MAP3K3: variants seen among roughly 807,000 people sequenced by gnomAD.
MAP3K3 encodes the protein mitogen-activated protein kinase kinase kinase 3.
Under a neutral mutation model 80.9 loss-of-function variants are expected in MAP3K3, and 12 were observed. That is an observed-to-expected ratio of 0.15 (90% CI 0.10 to 0.24). The LOEUF (loss-of-function observed/expected upper bound fraction) is 0.24. Among genes scored for constraint, MAP3K3 ranks in the 10% least tolerant of loss-of-function variants. MAP3K3 has a pLI of 1.00. For missense variants in MAP3K3, 596 were observed against 834.7 expected (o/e 0.71, Z 3.52); for synonymous variants, 272 against 307.1 (o/e 0.89, Z 1.19).
rs548948895 is a variant in MAP3K3, at chr17:63,669,704, G to A, written c.502+2644G>A. 3.3e-5 allele frequency among the ~76,000 whole-genome samples: 5 copies of A among 152,082 alleles called. No individual in the cohort carries two copies. The South Asian group carries it at 1.0e-3, about 32-fold the overall frequency. ...CTGACCTCAGATGACCACCTGCCTC[G>A]GCCTCCCAAAGTGTTGGGATTACAG... is the stretch of plus-strand genomic sequence containing the variant. On this transcript the variant is annotated intron_variant, in intron 6 of 15. Transcript: ENST00000361733.
intron 2 of MAP3K3, among the ~76,000 whole-genome samples, chr17:63,639,609 G>T (rs1042905742): frequency 2.0e-5 from 3 of 152,004 alleles, no homozygotes; most frequent in Non-Finnish European, 4.4e-5. Flanking sequence ...GAGCTGAAAT[G>T]TATCCTCACT....
chr17:63,663,118 T>C (rs2143434418), intron 5 of MAP3K3, among the ~76,000 whole-genome samples: 1 of 152,314 alleles, frequency 6.6e-6, no homozygotes, highest in Admixed American at 6.5e-5. Flanking sequence ...TTCTGTTCCC[T>C]GCAGCTTTGA....
intron 11 of MAP3K3, 186 bp from the exon 12 acceptor site, chr17:63,690,078 C>G (rs772180640): frequency 1.5e-6 from 1 of 653,624 alleles, no homozygotes; most frequent in Non-Finnish European, 2.6e-6. Context: ...CTTCTTAGGA[C>G]TCTGACTTCA....
At chr17:63,650,561 C>T (rs886239927) in intron 3 of MAP3K3, among the ~76,000 whole-genome samples, 1 of 151,942 alleles carries the variant, frequency 6.6e-6, no homozygotes, top group African/African-American at 2.4e-5. Context: ...CCGCAGCCTC[C>T]CAAAGCGCTG....
At chr17:63,671,431 T>G (rs2143491972) in intron 6 of MAP3K3, among the ~76,000 whole-genome samples, 1 of 152,170 alleles carries the variant, frequency 6.6e-6, no homozygotes, top group East Asian at 1.9e-4. Flanking sequence ...AAATTTTGTA[T>G]TTTTAGTAGA....
At chr17:63,678,274 A>T (rs957714858) in intron 6 of MAP3K3, among the ~76,000 whole-genome samples, 6 of 152,148 alleles carry the variant, frequency 3.9e-5, no homozygotes, top group Non-Finnish European at 7.4e-5. Flanking sequence ...GCCTTGACTG[A>T]TTTTATTGCT....
chr17:63,628,442 C>T (rs1015760595), intron 1 of MAP3K3, among the ~76,000 whole-genome samples: 19 of 150,690 alleles, frequency 1.3e-4, no homozygotes, highest in African/African-American at 4.7e-4. Context: ...CTCACCGCAA[C>T]CTCCGCCTCC....
chr17:63,623,303 C>T (rs1419149397), intron 1 of MAP3K3, among the ~76,000 whole-genome samples: 2 of 152,222 alleles, frequency 1.3e-5, no homozygotes, highest in East Asian at 1.9e-4. Context: ...GCGTGCGGGG[C>T]TCGGCTAGGA....
At chr17:63,688,005 A>T (rs562230142) in intron 8 of MAP3K3, among the ~76,000 whole-genome samples, 1 of 152,114 alleles carries the variant, frequency 6.6e-6, no homozygotes, top group Middle Eastern at 3.4e-3. Context: ...GTGTGTGCCT[A>T]ATCTGTAGGG....
intron 1 of MAP3K3, among the ~76,000 whole-genome samples, chr17:63,627,459 T>C (rs1396637888): frequency 1.3e-5 from 2 of 152,122 alleles, no homozygotes; most frequent in African/African-American, 2.4e-5. Flanking sequence ...TTTTTTTTTT[T>C]TGGGGTGGAG....
At chr17:63,625,577 A>G (rs796579581) in intron 1 of MAP3K3, among the ~76,000 whole-genome samples, 10 of 152,320 alleles carry the variant, frequency 6.6e-5, no homozygotes, top group African/African-American at 2.4e-4. Flanking sequence ...ACTTACAGAC[A>G]CCTTGTCTAG....
chr17:63,626,641 G>T (rs1474893069), intron 1 of MAP3K3, among the ~76,000 whole-genome samples: 1 of 152,220 alleles, frequency 6.6e-6, no homozygotes, highest in Non-Finnish European at 1.5e-5. Flanking sequence ...CTTATGAATT[G>T]AGGGTCTGGC....
At chr17:63,623,683 C>T (rs946141500) in intron 1 of MAP3K3, among the ~76,000 whole-genome samples, 1 of 152,200 alleles carries the variant, frequency 6.6e-6, no homozygotes, top group Non-Finnish European at 1.5e-5. Context: ...CTGGACTAGA[C>T]TAAGAAATAA....
chr17:63,692,398 A>G lies in MAP3K3; in HGVS notation c.1631A>G (p.Tyr544Cys), dbSNP rs751073898. Residue 544 changes from tyrosine to cysteine, a missense_variant, in exon 15 of 16, where the codon TAT becomes TGT. By Grantham distance (194) the Tyr-to-Cys change is radical. Coordinates refer to ENST00000361733, the MANE Select transcript of MAP3K3 (RefSeq NM_002401.5). This position sits in a 1 kb window ranked among gnomAD's most constrained non-coding sequence, Gnocchi z 4.5. ...CCTGAGGTGATCAGCGGCGAGGGCT[A>G]TGGAAGGAAAGCAGACGTGTGGTGA... ...MSPEVISGEG[Y>C]GRKADVWSLG... The G allele has an allele frequency of 2.4e-5, 38 of 1,608,638 alleles. No individual in the cohort carries two copies. The highest frequency in any genetic ancestry group is 1.7e-5 in the Admixed American group (1 of 59,172).
At chr17:63,680,266 G>A (rs115141375) in intron 6 of MAP3K3, among the ~76,000 whole-genome samples, 2,501 of 152,278 alleles carry the variant, frequency 0.016, 61 homozygotes, top group African/African-American at 0.057. Flanking sequence ...TTGCTGGGTC[G>A]TGGGAGAGAG....
At chr17:63,655,764 G>A (rs755874324) in intron 4 of MAP3K3, among the ~76,000 whole-genome samples, 12 of 152,070 alleles carry the variant, frequency 7.9e-5, no homozygotes, top group Admixed American at 3.3e-4. Flanking sequence ...AGGATTACAG[G>A]TGTGAGCCAC....
rs745751168 is a variant in MAP3K3 at position 63,692,864 on chromosome 17, C to T, written c.1652+445C>T. On this transcript the variant is annotated intron_variant, in intron 15 of 15. Coordinates refer to ENST00000361733, the MANE Select transcript of MAP3K3 (RefSeq NM_002401.5). The surrounding 1 kb of genome is among the most constrained non-coding windows in gnomAD (Gnocchi z 4.5). Reference sequence around the variant, plus strand: ...TGTGGTGGGCTGAATAATGGCCCCCCCAAAGATGTCCACTGCCTAATCCCT... The same window carrying T: ...TGTGGTGGGCTGAATAATGGCCCCCTCAAAGATGTCCACTGCCTAATCCCT... Among the ~76,000 whole-genome samples, 7 of 152,284 alleles carry T rather than the reference C, an allele frequency of 4.6e-5. No individual in the cohort carries two copies. Among genetic ancestry groups the T allele is most frequent in the Middle Eastern group, 3.4e-3 (1 of 294 alleles).
rs941123033 is a variant in MAP3K3, at chr17:63,675,145, G to T, written c.503-6621G>T. On this transcript the variant is annotated intron_variant, in intron 6 of 15. Transcript: ENST00000361733. ...CCAAAATAAAATGGGAATTTTGAAA[G>T]TTGAAACATAGAAGATGTTCTTAGG... 1.8e-4 allele frequency among the ~76,000 whole-genome samples: 28 copies of T among 152,124 alleles called. 1 individual carries two copies. The highest frequency in any genetic ancestry group is 4.4e-5 in the Non-Finnish European group (3 of 68,032).
intron 2 of MAP3K3, 142 bp from the exon 3 acceptor site, chr17:63,645,892 C>T: frequency 1.5e-6 from 1 of 674,840 alleles, no homozygotes; most frequent in East Asian, 2.8e-5. Flanking sequence ...TGCCCATGCC[C>T]ATCTGGGAAG....
Sources: gnomAD v4.1 joint callset for allele counts (sites outside exome capture counted in the v4.1 genomes callset) on GRCh38, gnomAD v4.1.1 for gene constraint, Gnocchi (gnomAD v3.1) non-coding constraint, MANE v1.5 for transcripts, NCBI Gene and HGNC (gene_info 2026-07-23, HGNC 2026-07-21) for gene names.